The following SACS variants were observed in gnomAD, a reference collection of about 807,000 sequenced individuals.
The protein encoded by SACS is sacsin molecular chaperone, also known as sacsin.
A neutral mutation model predicts 348.0 loss-of-function variants in SACS; 197 were observed. That is an observed-to-expected ratio of 0.57 (90% CI 0.50 to 0.64). The LOEUF is 0.64. Ranked by LOEUF, SACS falls within the 30% of genes least tolerant of loss-of-function variation. The pLI is 0.00. For missense variants in SACS, 4,999 were observed against 5,360.8 expected (o/e 0.93, Z 2.11); for synonymous variants, 1,985 against 1,910.6 (o/e 1.04, Z -1.02).
At chr13:23,428,297 G>A (rs895922635) in intron 1 of SACS, 4 of 152,134 alleles carry the variant, frequency 2.6e-5, no homozygotes, top group African/African-American at 7.2e-5. Context: ...CCCACAGAAC[G>A]CCTCCATGGG....
At chr13:23,356,954 G>A (rs1189746405) in intron 7 of SACS, among the ~76,000 whole-genome samples, 4 of 152,204 alleles carry the variant, frequency 2.6e-5, no homozygotes, top group Non-Finnish European at 5.9e-5. Flanking sequence ...GTGGGGTCTA[G>A]GGAATGCTCA....
chr13:23,416,018 G>A (rs976038051), intron 1 of SACS, among the ~76,000 whole-genome samples: 3 of 152,282 alleles, frequency 2.0e-5, no homozygotes, highest in East Asian at 3.9e-4. Context: ...GGTGGCTCAC[G>A]TCTGTAATCC....
At chr13:23,344,342 C>T (rs1869466885) in intron 9 of SACS, among the ~76,000 whole-genome samples, 1 of 152,052 alleles carries the variant, frequency 6.6e-6, no homozygotes, top group Non-Finnish European at 1.5e-5. Flanking sequence ...GTATACCTAC[C>T]TTCAGGAAAA....
Position 23,336,604 on chromosome 13 carries a change from G to A in SACS, c.7272C>T (p.Cys2424=), listed in dbSNP as rs1868626730. The change falls in exon 10 of 10, where the codon TGC becomes TGT. Residue 2424 remains cysteine, a synonymous_variant. Coordinates refer to ENST00000382292, the MANE Select transcript of SACS (RefSeq NM_014363.6). Reference sequence around the variant, plus strand: ...ATATTCCTTCACTGATTATTCGTCGGCAAAGCTGAAAATTCTCTTCTGTTA... The same window carrying A: ...ATATTCCTTCACTGATTATTCGTCGACAAAGCTGAAAATTCTCTTCTGTTA... ...KQITEENFQL[C]RRIISEGIWS... The A allele has an allele frequency of 6.2e-7, 1 of 1,613,422 alleles. No homozygotes were observed. The highest frequency in any genetic ancestry group is 8.5e-7 in the Non-Finnish European group (1 of 1,179,706).
chr13:23,423,117 T>C (rs973304312), intron 1 of SACS, among the ~76,000 whole-genome samples: 2 of 152,202 alleles, frequency 1.3e-5, no homozygotes, highest in Non-Finnish European at 2.9e-5. Context: ...GAGCAGAAGC[T>C]TTGTGATTTG....
Position 23,334,818 on chromosome 13 carries a change from A to T in SACS, c.9058T>A (p.Ser3020Thr). ...TCAAAAAATGGTCTAGTTTTATTAG[A>T]AGTAGACATATTGATCCAAGTAATT... ...VIITWINMST[S>T]NKTRPFFDNL... is the part of the protein sequence containing the mutation. The change falls in exon 10 of 10, where the codon TCT becomes ACT. Residue 3020 changes from serine to threonine, a missense_variant. By Grantham distance (58) the Ser-to-Thr change is moderately conservative. Coordinates refer to ENST00000382292, the MANE Select transcript of SACS (RefSeq NM_014363.6). The T allele has an allele frequency of 6.2e-7, 1 of 1,613,860 alleles. No individual in the cohort carries two copies. Among genetic ancestry groups the T allele is most frequent in the Non-Finnish European group, 8.5e-7 (1 of 1,179,842 alleles).
intron 9 of SACS, among the ~76,000 whole-genome samples, chr13:23,343,559 C>G (rs1475472619): frequency 6.6e-6 from 1 of 152,152 alleles, no homozygotes; most frequent in Non-Finnish European, 1.5e-5. Context: ...GTGGCAGGCA[C>G]CTGTAGTCCC....
rs141827449 is a variant in SACS at position 23,338,350 on chromosome 13, T to C, written c.5526A>G (p.Gly1842=). Residue 1842 remains glycine (G), a synonymous_variant, in exon 10 of 10, where the codon GGA becomes GGG. Coordinates refer to ENST00000382292, the MANE Select transcript of SACS (RefSeq NM_014363.6). ...FSLSESGRRL[G]LVPCGAVGVQ... is the part of the protein sequence containing the mutation. ...CTCCTACTGCCCCACATGGAACCAG[T>C]CCTAGTCTTCTTCCACTCTCACTCA... 30 of 1,613,976 alleles carry C rather than the reference T, an allele frequency of 1.9e-5. No individual in the cohort carries two copies. The highest frequency in any genetic ancestry group is 5.3e-5 in the African/African-American group (4 of 74,910).
intron 2 of SACS, among the ~76,000 whole-genome samples, chr13:23,394,049 G>A (rs191711403): frequency 5.9e-5 from 9 of 152,258 alleles, no homozygotes; most frequent in East Asian, 1.9e-4. Flanking sequence ...CATGAGCCAC[G>A]GTGCCTGGCC....
chr13:23,365,337 T>C (rs563890801), intron 5 of SACS, 60 bp from the exon 6 acceptor site: 2 of 932,442 alleles, frequency 2.1e-6, no homozygotes, highest in South Asian at 1.6e-5. Context: ...CTGCTCATCT[T>C]TGTATTTATC....
At chr13:23,418,986 G>T (rs1385416165) in intron 1 of SACS, 1 of 152,298 alleles carries the variant, frequency 6.6e-6, no homozygotes, top group East Asian at 1.9e-4. Flanking sequence ...GGCCCAGTTG[G>T]TGCTGAGTAA....
At position 23,338,124 on chromosome 13, in the gene SACS, C is replaced by A; in HGVS notation, c.5752G>T (p.Val1918Leu). ...WNTTFMRHVI[V>L]KAYLQVLSVL... The stretch of plus-strand genomic sequence containing the variant: ...CTCAGTACCTGTAAGTAAGCTTTCA[C>A]AATAACATGTCTCATGAACGTGGTA... Residue 1918 changes from valine to leucine, a missense_variant, in exon 10 of 10, where the codon GTG becomes TTG. Val to Leu is a conservative substitution (Grantham distance 32). This residue lies in a region of SACS where 3,156 missense variants were observed against 3,380.1 expected (regional missense o/e 0.93). Coordinates refer to ENST00000382292, the MANE Select transcript of SACS (RefSeq NM_014363.6). The A allele has an allele frequency of 6.2e-7, 1 of 1,614,144 alleles. No individual in the cohort carries two copies. Among genetic ancestry groups the A allele is most frequent in the East Asian group, 2.2e-5 (1 of 44,886 alleles).
At position 23,336,564 on chromosome 13, in the gene SACS, C is replaced by G; in HGVS notation, c.7312G>C (p.Glu2438Gln). ...ISEGIWSLIR[E>Q]KKQEFCEKNY... ...TTCTCACAAAATTCTTGTTTCTTTTCTCTAATGAGACTCCATATTCCTTCA... is the reference window on the plus strand; with the variant it reads ...TTCTCACAAAATTCTTGTTTCTTTTGTCTAATGAGACTCCATATTCCTTCA... Residue 2438 changes from glutamate (E) to glutamine (Q), a missense_variant, in exon 10 of 10, where the codon GAA (glutamate) becomes CAA (glutamine). Physicochemically the swap from Glu to Gln is conservative, Grantham distance 29. This residue lies in a region of SACS where 3,156 missense variants were observed against 3,380.1 expected (regional missense o/e 0.93). Coordinates refer to ENST00000382292, the MANE Select transcript of SACS (RefSeq NM_014363.6). 6.2e-7 allele frequency: 1 copy of G among 1,613,720 alleles called. No individual in the cohort carries two copies.
chr13:23,333,596 C>T lies in SACS; in HGVS notation c.10280G>A (p.Gly3427Glu), dbSNP rs775588953. ...ACTTTTTGTAAGTACGTAGCATGTT[C>T]CAAATTTTCCAATGCTTACATAGCG... Reference protein sequence around the residue: ...SGRYVSIGKFGTCYVLTKSIP... With the variant: ...SGRYVSIGKFETCYVLTKSIP... The change falls in exon 10 of 10, where the codon GGA becomes GAA. Residue 3427 changes from glycine to glutamate, a missense_variant. Transcript: ENST00000382292. The T allele has an allele frequency of 6.2e-7, 1 of 1,613,674 alleles. No individual in the cohort carries two copies. The highest frequency in any genetic ancestry group is 8.5e-7 in the Non-Finnish European group (1 of 1,179,754).
chr13:23,431,427 G>A (rs1874429133), intron 1 of SACS, among the ~76,000 whole-genome samples: 1 of 152,194 alleles, frequency 6.6e-6, no homozygotes, highest in African/African-American at 2.4e-5. Context: ...CTGAGTGTGA[G>A]TTAAGGAAAG....
rs187620098 is a variant in SACS at position 23,401,558 on chromosome 13, C to T, written c.20+9662G>A. Among the ~76,000 whole-genome samples the T allele has an allele frequency of 1.4e-4, 21 of 152,318 alleles. No individual in the cohort carries two copies. The South Asian group carries it at 1.9e-3, about 14-fold the overall frequency. ...GGACTTCCTGAGGCTATGTCATGGACGGATCCTCAACCTTGGCAAAATAAA... is the reference window on the plus strand; with the variant it reads ...GGACTTCCTGAGGCTATGTCATGGATGGATCCTCAACCTTGGCAAAATAAA... On this transcript the variant is annotated intron_variant, in intron 2 of 9. Coordinates refer to ENST00000382292, the MANE Select transcript of SACS (RefSeq NM_014363.6).
rs762644643 is a variant in SACS at position 23,340,865 on chromosome 13, T to C, written c.3011A>G (p.Tyr1004Cys). 1.2e-6 allele frequency: 2 copies of C among 1,608,600 alleles called. No homozygotes were observed. The highest frequency in any genetic ancestry group is 1.7e-6 in the Non-Finnish European group (2 of 1,175,950). Residue 1004 changes from tyrosine to cysteine, a missense_variant, in exon 10 of 10, where the codon TAT becomes TGT. Physicochemically the swap from Tyr to Cys is radical, Grantham distance 194. This residue lies in a region of SACS where 3,156 missense variants were observed against 3,380.1 expected (regional missense o/e 0.93). Coordinates refer to ENST00000382292, the MANE Select transcript of SACS (RefSeq NM_014363.6). ...AAGCTGTGTTACCTCTTCATGTGAA[T>C]AAAATGCATTTTCAATATCTTTTAA... ...LVLKDIENAF[Y>C]SHEEVTQLML...
Position 23,355,873 on chromosome 13 carries a change from A to T in SACS, c.739T>A (p.Phe247Ile), listed in dbSNP as rs1192538012. 2 of 1,614,094 alleles carry T rather than the reference A, an allele frequency of 1.2e-6. No individual in the cohort carries two copies. Among genetic ancestry groups the T allele is most frequent in the African/African-American group, 2.7e-5 (2 of 74,936 alleles). The change falls in exon 8 of 10, where the codon TTT becomes ATT. Residue 247 changes from phenylalanine (F) to isoleucine (I), a missense_variant. Phe to Ile is a conservative substitution (Grantham distance 21, BLOSUM62 0). Around this residue, in one of 6 missense-constraint regions of SACS, gnomAD observed 3,156 missense variants for 3,380.1 expected, o/e 0.93. Coordinates refer to ENST00000382292, the MANE Select transcript of SACS (RefSeq NM_014363.6). ...CCAAAAATGCCAACAAATGGTGCAA[A>T]CTGGTCTGAAAGTTCACTAATTTCT... ...SKEISELSDQ[F>I]APFVGIFGST... is the part of the protein sequence containing the mutation.
intron 2 of SACS, among the ~76,000 whole-genome samples, chr13:23,387,855 G>T (rs1339124814): frequency 6.6e-6 from 1 of 152,138 alleles, no homozygotes; most frequent in Non-Finnish European, 1.5e-5. Flanking sequence ...AAGTAATAAT[G>T]TGTGTAATCA....
Sources: gnomAD v4.1 joint callset for allele counts (sites outside exome capture counted in the v4.1 genomes callset) on GRCh38, gnomAD v4.1.1 for gene constraint, gnomAD v4.1.1 regional missense constraint, MANE v1.5 for transcripts, NCBI Gene and HGNC (gene_info 2026-07-23, HGNC 2026-07-21) for gene names.